PARD6G: variants seen among roughly 807,000 people sequenced by gnomAD.
The protein encoded by PARD6G is partitioning defective 6 homolog gamma.
Under a neutral mutation model 10.7 loss-of-function variants are expected in PARD6G, and 7 were observed. The ratio of observed to expected loss-of-function variants is 0.66; its 90% confidence interval spans 0.37 to 1.23. PARD6G has a LOEUF of 1.23. Among genes scored for constraint, PARD6G ranks in the 50% most tolerant of loss-of-function variants. The pLI is 0.02. For missense variants in PARD6G, 548 were observed against 571.8 expected, an observed-to-expected ratio of 0.96 and a Z score of 0.42; for synonymous variants, 287 against 269.4, an observed-to-expected ratio of 1.07 and a Z score of -0.64.
chr18:80,205,250 G>A (rs1967044743), intron 1 of PARD6G, among the ~76,000 whole-genome samples: 1 of 152,196 alleles, frequency 6.6e-6, no homozygotes, highest in Non-Finnish European at 1.5e-5. Flanking sequence ...TGTAGGCGAT[G>A]CAGATTCTTT....
chr18:80,202,948 CGGGGTGG>C lies in PARD6G; in HGVS notation c.73-23_73-17del. On this transcript the variant is annotated splice_polypyrimidine_tract_variant and intron_variant, in intron 1 of 2. Coordinates refer to ENST00000353265, the MANE Select transcript of PARD6G (RefSeq NM_032510.4). ...CCGCCCCAAACTACAATGCAAGAGA[CGGGGTGG>C]GGGGAGGGGCATTAATAAATACCAG... 6.5e-6 allele frequency: 7 copies of C among 1,075,132 alleles called. No homozygotes were observed. Among genetic ancestry groups the C allele is most frequent in the Non-Finnish European group, 7.5e-6 (6 of 798,890 alleles). The allele number at this position is 1,075,132 out of a possible 1,614,324, so 66.6% of individuals were successfully genotyped here.
Position 80,188,306 on chromosome 18 carries a change from G to C in PARD6G, c.295+14404C>G, listed in dbSNP as rs2052890872. On this transcript the variant is annotated intron_variant, in intron 2 of 2. Coordinates refer to ENST00000353265, the MANE Select transcript of PARD6G (RefSeq NM_032510.4). This position sits in a 1 kb window ranked among gnomAD's most constrained non-coding sequence, Gnocchi z 5.4. ...TCTCACTGCCTGCGTCAGGGACTCA[G>C]ATTCAAAGACTGAACCTACATGGGT... 6.6e-6 allele frequency among the ~76,000 whole-genome samples: 1 copy of C among 152,178 alleles called. No homozygotes were observed.
intron 1 of PARD6G, among the ~76,000 whole-genome samples, chr18:80,218,284 C>A (rs1344222914): frequency 6.6e-6 from 1 of 151,970 alleles, no homozygotes; most frequent in Non-Finnish European, 1.5e-5. Flanking sequence ...CCTGTAAAAT[C>A]AAAAGTAAGT....
rs564176014 is a variant in PARD6G at position 80,201,536 on chromosome 18, C to T, written c.295+1174G>A. 1.4e-4 allele frequency among the ~76,000 whole-genome samples: 21 copies of T among 152,194 alleles called. No individual in the cohort carries two copies. Among genetic ancestry groups the T allele is most frequent in the African/African-American group, 4.6e-4 (19 of 41,452 alleles). ...GACAGCTGTGTTGACTTCTCAGCACCGTCAGCAGGATACCCAGGCCCAGTG... is the reference window on the plus strand; with the variant it reads ...GACAGCTGTGTTGACTTCTCAGCACTGTCAGCAGGATACCCAGGCCCAGTG... On this transcript the variant is annotated intron_variant, in intron 2 of 2. Coordinates refer to ENST00000353265, the MANE Select transcript of PARD6G (RefSeq NM_032510.4). The surrounding 1 kb of genome is among the most constrained non-coding windows in gnomAD (Gnocchi z 5.9).
At chr18:80,225,622 C>G (rs2145297623) in intron 1 of PARD6G, among the ~76,000 whole-genome samples, 1 of 152,328 alleles carries the variant, frequency 6.6e-6, no homozygotes, top group East Asian at 1.9e-4. Flanking sequence ...TCTGACACTG[C>G]ATTTCTATTG....
At chr18:80,205,177 C>A (rs776239521) in intron 1 of PARD6G, among the ~76,000 whole-genome samples, 1 of 152,044 alleles carries the variant, frequency 6.6e-6, no homozygotes, top group Non-Finnish European at 1.5e-5. Context: ...CAGAGCAAAC[C>A]CTTGAAATCT....
rs867886076 is a variant in PARD6G, at chr18:80,210,610, C to G, written c.73-7678G>C. 3.3e-5 allele frequency among the ~76,000 whole-genome samples: 5 copies of G among 152,294 alleles called. 1 individual carries two copies. In the Middle Eastern group the frequency reaches 0.01, roughly 311 times the overall value. On this transcript the variant is annotated intron_variant, in intron 1 of 2. Coordinates refer to ENST00000353265, the MANE Select transcript of PARD6G (RefSeq NM_032510.4). The stretch of plus-strand genomic sequence containing the variant: ...GGCATTTGCTGAACACAATCAGCAT[C>G]AGCTGTTTAACATTTAAAGCTAATA...
intron 2 of PARD6G, among the ~76,000 whole-genome samples, chr18:80,172,063 G>A (rs1045608990): frequency 8.5e-5 from 13 of 152,178 alleles, no homozygotes. Flanking sequence ...ATACACCTAG[G>A]GGTGGAATTA....
At chr18:80,240,079 A>T (rs1425318549) in intron 1 of PARD6G, among the ~76,000 whole-genome samples, 1 of 152,192 alleles carries the variant, frequency 6.6e-6, no homozygotes, top group Non-Finnish European at 1.5e-5. Flanking sequence ...GAACTCACTC[A>T]TTACCATGAG....
chr18:80,188,267 T>C lies in PARD6G; in HGVS notation c.295+14443A>G, dbSNP rs1444958232. Among the ~76,000 whole-genome samples, 1 of 152,184 alleles carries C rather than the reference T, an allele frequency of 6.6e-6. No individual in the cohort carries two copies. Among genetic ancestry groups the C allele is most frequent in the African/African-American group, 2.4e-5 (1 of 41,436 alleles). ...CCACCCTGGCCTCTCCCTAAGGGCG[T>C]GGAGGTGGCCTGATCTCACTGCCTG... is the stretch of plus-strand genomic sequence containing the variant. On this transcript the variant is annotated intron_variant, in intron 2 of 2. Coordinates refer to ENST00000353265, the MANE Select transcript of PARD6G (RefSeq NM_032510.4). The surrounding 1 kb of genome is among the most constrained non-coding windows in gnomAD (Gnocchi z 5.4).
At position 80,181,932 on chromosome 18, in the gene PARD6G, T is replaced by A. The variant is rs973217783; in HGVS notation, c.295+20778A>T. On this transcript the variant is annotated intron_variant, in intron 2 of 2. Coordinates refer to ENST00000353265, the MANE Select transcript of PARD6G (RefSeq NM_032510.4). The surrounding 1 kb of genome is among the most constrained non-coding windows in gnomAD (Gnocchi z 7.9). ...CCTGCATTTCAAACAGACCCAGGGC[T>A]GCAGCACACAACACGTTTCCAGTGG... 6.6e-6 allele frequency among the ~76,000 whole-genome samples: 1 copy of A among 152,186 alleles called. No homozygotes were observed. Among genetic ancestry groups the A allele is most frequent in the Non-Finnish European group, 1.5e-5 (1 of 68,026 alleles).
At chr18:80,209,167 T>C (rs1412511804) in intron 1 of PARD6G, among the ~76,000 whole-genome samples, 2 of 151,442 alleles carry the variant, frequency 1.3e-5, no homozygotes, top group Non-Finnish European at 2.9e-5. Flanking sequence ...ACCCTGACAC[T>C]ATGAGCTGTA....
chr18:80,204,242 G>C (rs192616790), intron 1 of PARD6G, among the ~76,000 whole-genome samples: 126 of 152,280 alleles, frequency 8.3e-4, no homozygotes, highest in African/African-American at 2.6e-3. Flanking sequence ...TGGAAAACTA[G>C]TCATTATATC....
Position 80,159,750 on chromosome 18 carries a change from A to G in PARD6G, c.*21T>C, listed in dbSNP as rs2052682006. ...TCCTTACCGGGGAACTGGAGCTAGG[A>G]TTTGGGGGCCTCTCGGGAGTCTAGA... is the stretch of plus-strand genomic sequence containing the variant. On this transcript the variant is annotated 3_prime_UTR_variant, in exon 3 of 3. Coordinates refer to ENST00000353265, the MANE Select transcript of PARD6G (RefSeq NM_032510.4). 3.6e-6 allele frequency: 5 copies of G among 1,383,028 alleles called. No individual in the cohort carries two copies. The allele number at this position is 1,383,028 out of a possible 1,614,324, so 85.7% of individuals were successfully genotyped here.
In PARD6G at chr18:80,184,106, C is replaced by G. The variant is rs1478516503; in HGVS notation, c.295+18604G>C. 6.6e-6 allele frequency: 1 copy of G among 152,192 alleles called. No homozygotes were observed. The highest frequency in any genetic ancestry group is 2.4e-5 in the African/African-American group (1 of 41,438). The allele number at this position is 152,192 out of a possible 1,614,324, so 9.4% of individuals were successfully genotyped here. On this transcript the variant is annotated intron_variant, in intron 2 of 2. Transcript: ENST00000353265. This position sits in a 1 kb window ranked among gnomAD's most constrained non-coding sequence, Gnocchi z 4.5. ...TTGCCTCTGATGTGAGAAAGAAACA[C>G]TAGGGCTTCAACCAGATGAGGGGCG... is the stretch of plus-strand genomic sequence containing the variant.
chr18:80,240,228 T>C (rs552170273), intron 1 of PARD6G, among the ~76,000 whole-genome samples: 1 of 152,348 alleles, frequency 6.6e-6, no homozygotes, highest in East Asian at 1.9e-4. Flanking sequence ...TTCTCCCTGT[T>C]CCCACAAATC....
chr18:80,175,525 C>T lies in PARD6G; in HGVS notation c.296-14919G>A, dbSNP rs568612250. Among the ~76,000 whole-genome samples the T allele has an allele frequency of 6.6e-6, 1 of 152,158 alleles. No homozygotes were observed. The highest frequency in any genetic ancestry group is 1.5e-5 in the Non-Finnish European group (1 of 68,032). On this transcript the variant is annotated intron_variant, in intron 2 of 2. Transcript: ENST00000353265. The surrounding 1 kb of genome is among the most constrained non-coding windows in gnomAD (Gnocchi z 6.7). Reference sequence around the variant, plus strand: ...CGATCTTATTTAACCTTCATCACCCCCTAAAGACACTGTCTCCAGATACAG... The same window carrying T: ...CGATCTTATTTAACCTTCATCACCCTCTAAAGACACTGTCTCCAGATACAG...
At position 80,160,061 on chromosome 18, in the gene PARD6G, CG is replaced by C; in HGVS notation, c.840del (p.Ala281ProfsTer111). On this transcript the variant is annotated frameshift_variant, in exon 3 of 3. Coordinates refer to ENST00000353265, the MANE Select transcript of PARD6G (RefSeq NM_032510.4). LOFTEE classifies it low-confidence loss of function (END_TRUNC). ...TGGAAGTTCTGCAGGACGCGCGGGG[CG>C]GGGGGACCCACGAAGCCCGCGGTGC... ...SDGTAGFVGP[P>X]APRVLQNFHP... 3 of 1,561,182 alleles carry C rather than the reference CG, an allele frequency of 1.9e-6. No individual in the cohort carries two copies. The highest frequency in any genetic ancestry group is 1.7e-6 in the Non-Finnish European group (2 of 1,157,646).
In PARD6G at chr18:80,228,245, CAG is replaced by C. The variant is rs56060327; in HGVS notation, c.72+19030_72+19031del. ...ATCCCACGGGGGAGACGGCAGCGAG[CAG>C]AGAGACCCCAAGTGAAAACTGCGGA... On this transcript the variant is annotated intron_variant, in intron 1 of 2. Coordinates refer to ENST00000353265, the MANE Select transcript of PARD6G (RefSeq NM_032510.4). This position sits in a 1 kb window ranked among gnomAD's most constrained non-coding sequence, Gnocchi z 4.6. Among the ~76,000 whole-genome samples, 40 of 152,080 alleles carry C rather than the reference CAG, an allele frequency of 2.6e-4. No homozygotes were observed. Among genetic ancestry groups the C allele is most frequent in the Non-Finnish European group, 5.1e-4 (35 of 67,978 alleles).
Sources: gnomAD v4.1 joint callset for allele counts (sites outside exome capture counted in the v4.1 genomes callset) on GRCh38, gnomAD v4.1.1 for gene constraint, Gnocchi (gnomAD v3.1) non-coding constraint, MANE v1.5 for transcripts, NCBI Gene and HGNC (gene_info 2026-07-23, HGNC 2026-07-21) for gene names.